MDH1: variants seen among roughly 807,000 people sequenced by gnomAD.
MDH1 encodes malate dehydrogenase, cytoplasmic.
MDH1 carries 15 observed loss-of-function variants against 38.7 expected under a neutral mutation model. The ratio of observed to expected loss-of-function variants is 0.39; its 90% CI spans 0.26 to 0.60. The LOEUF (loss-of-function observed/expected upper bound fraction) is 0.60, where lower values mean the gene tolerates loss of function less well. Among genes scored for constraint, MDH1 ranks in the 20% least tolerant of loss-of-function variants. The pLI, the probability that MDH1 is intolerant of heterozygous loss-of-function variation, is 0.56. For synonymous variants in MDH1, 144 were observed against 143.6 expected (o/e 1.00, Z -0.02); for missense variants, 368 against 405.2 (o/e 0.91, Z 0.79).
chr2:63,604,487 T>C (rs756226647), intron 5 of MDH1, among the ~76,000 whole-genome samples: 1 of 152,174 alleles, frequency 6.6e-6, no homozygotes, highest in African/African-American at 2.4e-5. Context: ...CTCCATAAGG[T>C]TTCAAGTCCA....
intron 8 of MDH1, 116 bp downstream of exon 8, chr2:63,606,144 G>C (rs549393260): frequency 3.1e-5 from 30 of 978,860 alleles, no homozygotes; most frequent in Non-Finnish European, 4.9e-5. Context: ...CACTTTGGAA[G>C]GGCAAGGTGG....
At chr2:63,594,384 C>T (rs976992015) in intron 1 of MDH1, 104 bp from the exon 2 acceptor site, 43 of 906,218 alleles carry the variant, frequency 4.7e-5, no homozygotes, top group Non-Finnish European at 7.2e-5. Flanking sequence ...TAAAATTTTA[C>T]ATTCACTTTT....
At chr2:63,591,733 G>A (rs1432191171) in intron 1 of MDH1, among the ~76,000 whole-genome samples, 2 of 152,136 alleles carry the variant, frequency 1.3e-5, no homozygotes, top group Non-Finnish European at 2.9e-5. Context: ...TCTCAAGAGC[G>A]CTTCATGGCC....
chr2:63,597,176 A>G, intron 3 of MDH1: 4 of 593,408 alleles, frequency 6.7e-6, no homozygotes, highest in Non-Finnish European at 8.5e-6. Context: ...TTGACATTTA[A>G]GTAATTATTG....
At chr2:63,595,001 T>C in intron 2 of MDH1, 1 of 270,270 alleles carries the variant, frequency 3.7e-6, no homozygotes. Context: ...CTGATTAATA[T>C]ACACTAAAAT....
Position 63,592,809 on chromosome 2 carries a change from G to C in MDH1, c.4-1679G>C, listed in dbSNP as rs867889103. Among the ~76,000 whole-genome samples the C allele has an allele frequency of 2.0e-5, 3 of 152,008 alleles. No homozygotes were observed. In the South Asian group the frequency reaches 6.2e-4, roughly 31 times the overall value. Reference sequence around the variant, plus strand: ...GAGTTCCAACTACAGGACAGGTGTTGTTCTAGGCAATTGAGATACAGCAGT... The same window carrying C: ...GAGTTCCAACTACAGGACAGGTGTTCTTCTAGGCAATTGAGATACAGCAGT... On this transcript the variant is annotated intron_variant, in intron 1 of 8. Coordinates refer to ENST00000233114, the MANE Select transcript of MDH1 (RefSeq NM_005917.4).
chr2:63,602,934 C>CTTTTTTTTTTTTTTT lies in MDH1; in HGVS notation c.499-1733_499-1719dup, dbSNP rs370479356. On this transcript the variant is annotated intron_variant, in intron 5 of 8. Transcript: ENST00000233114. ...ACATAATACAGTTTATTTAACCGTT[C>CTTTTTTTTTTTTTTT]TTTTTTTTTTTTTTTTTTTTTTTTT... 3.0e-4 allele frequency among the ~76,000 whole-genome samples: 40 copies of CTTTTTTTTTTTTTTT among 131,610 alleles called. 3 individuals carry two copies. The highest frequency in any genetic ancestry group is 5.4e-4 in the Non-Finnish European group (32 of 59,598). The allele number at this position is 131,610 out of a possible 152,430, so 86.3% of individuals were successfully genotyped here. A position where few individuals can be genotyped will look rare whatever the true frequency, so the allele number is the denominator to read the frequency against.
Position 63,592,631 on chromosome 2 carries a change from T to A in MDH1, c.4-1857T>A, listed in dbSNP as rs1351326254. On this transcript the variant is annotated intron_variant, in intron 1 of 8. Coordinates refer to ENST00000233114, the MANE Select transcript of MDH1 (RefSeq NM_005917.4). The stretch of plus-strand genomic sequence containing the variant: ...GCGCAATGCGCTGGGATTGTAGGTG[T>A]GAGCCACTGCACTCAGCCTGAAATA... 2.6e-5 allele frequency among the ~76,000 whole-genome samples: 4 copies of A among 152,250 alleles called. No homozygotes were observed. In the East Asian group the frequency reaches 7.7e-4, roughly 29 times the overall value.
chr2:63,596,142 A>C (rs562811213), intron 3 of MDH1, among the ~76,000 whole-genome samples: 1 of 152,214 alleles, frequency 6.6e-6, no homozygotes, highest in South Asian at 2.1e-4. Flanking sequence ...TTTGATCGAA[A>C]AGTTTATTAA....
At chr2:63,593,616 T>C (rs1048235008) in intron 1 of MDH1, 2 of 471,686 alleles carry the variant, frequency 4.2e-6, no homozygotes, top group Non-Finnish European at 4.4e-6. Flanking sequence ...CAGTGGACCA[T>C]TTCTCCATGC....
intron 1 of MDH1, among the ~76,000 whole-genome samples, chr2:63,592,000 T>A (rs988529285): frequency 1.1e-4 from 17 of 152,212 alleles, no homozygotes; most frequent in African/African-American, 4.1e-4. Context: ...GAGCCAGGAC[T>A]TGAACACAGA....
At chr2:63,606,074 A>T in intron 8 of MDH1, 46 bp downstream of exon 8, 1 of 1,514,146 alleles carries the variant, frequency 6.6e-7, no homozygotes, top group Non-Finnish European at 9.2e-7. Context: ...AAGTAGTTAT[A>T]TGTTTCTCTT....
At chr2:63,596,220 GATTA>G (rs1575721791) in intron 3 of MDH1, among the ~76,000 whole-genome samples, 1 of 152,038 alleles carries the variant, frequency 6.6e-6, no homozygotes, top group Admixed American at 6.5e-5. Context: ...TTTTGGTAAG[GATTA>G]ATTAATGATA....
intron 5 of MDH1, among the ~76,000 whole-genome samples, chr2:63,600,469 T>A (rs1709397498): frequency 6.6e-6 from 1 of 152,204 alleles, no homozygotes; most frequent in South Asian, 2.1e-4. Context: ...CTTAGTCCAC[T>A]TACTAGCTCT....
chr2:63,599,030 C>G (rs7591566), intron 4 of MDH1, 140 bp from the exon 5 acceptor site: 107,094 of 585,102 alleles, frequency 0.18, 10,798 homozygotes, highest in Middle Eastern at 0.33. Flanking sequence ...AATGCATTTT[C>G]CTATGCTATA....
In MDH1 at chr2:63,588,993, T is replaced by G. The variant is rs763668296; in HGVS notation, c.-51T>G. 2 of 1,614,026 alleles carry G rather than the reference T, an allele frequency of 1.2e-6. No homozygotes were observed. Among genetic ancestry groups the G allele is most frequent in the South Asian group, 1.1e-5 (1 of 91,084 alleles). ...AGTTCCGCGGTAGAGGTGACCTGAC[T>G]CTCTGAGGCTCATTTTGCAGTTGTT... On this transcript the variant is annotated 5_prime_UTR_variant, in exon 1 of 9. Transcript: ENST00000233114.
At chr2:63,604,933 G>C in intron 6 of MDH1, 61 bp downstream of exon 6, 1 of 1,554,544 alleles carries the variant, frequency 6.4e-7, no homozygotes. Context: ...GAGACTCTTA[G>C]GACAGAAAAC....
chr2:63,603,004 G>A (rs1042392837), intron 5 of MDH1, among the ~76,000 whole-genome samples: 8 of 120,750 alleles, frequency 6.6e-5, no homozygotes, highest in Admixed American at 6.5e-4. Flanking sequence ...CTGTCGCCTA[G>A]GCTGGAGTGC....
chr2:63,593,711 T>C (rs1435993654), intron 1 of MDH1: 3 of 471,160 alleles, frequency 6.4e-6, no homozygotes, highest in South Asian at 1.5e-5. Flanking sequence ...AATTTTTCTG[T>C]CTAACTAAAC....
Sources: allele counts gnomAD v4.1 joint callset (sites outside exome capture counted in the v4.1 genomes callset), GRCh38; gene constraint gnomAD v4.1.1; transcripts MANE v1.5; gene names NCBI Gene and HGNC (gene_info 2026-07-23, HGNC 2026-07-21).